The following GASK1A variants were observed in gnomAD, a reference collection of about 807,000 sequenced individuals.
GASK1A encodes the protein golgi associated kinase 1A, also known as Golgi-associated kinase 1A.
In GASK1A, 40 loss-of-function variants were observed where a neutral mutation model predicts 41.2. The observed-to-expected ratio is 0.97, with a 90% CI of 0.75 to 1.27. GASK1A has a LOEUF of 1.27. Among genes scored for constraint, GASK1A ranks in the 50% most tolerant of loss-of-function variants. The probability of loss-of-function intolerance (pLI) is 0.00; values close to 1 mark genes in which losing one functional copy is unlikely to be tolerated. For synonymous variants in GASK1A, 316 were observed against 307.1 expected, an observed-to-expected ratio of 1.03 and a Z score of -0.30; for missense variants, 678 against 745.1, an observed-to-expected ratio of 0.91 and a Z score of 1.05.
chr3:43,028,942 G>C (rs1358935250), intron 1 of GASK1A, among the ~76,000 whole-genome samples: 1 of 152,024 alleles, frequency 6.6e-6, no homozygotes, highest in African/African-American at 2.4e-5. Context: ...GTCCAAGCAG[G>C]GCTTTGTGGC....
chr3:43,031,218 G>A (rs11710681), intron 1 of GASK1A, among the ~76,000 whole-genome samples: 25,653 of 152,074 alleles, frequency 0.17, 2,276 homozygotes, highest in South Asian at 0.35. Flanking sequence ...ATGTACCAGG[G>A]CTCTGCCTGT....
At chr3:43,009,676 C>T (rs2089454028) in intron 1 of GASK1A, among the ~76,000 whole-genome samples, 2 of 152,334 alleles carry the variant, frequency 1.3e-5, no homozygotes, top group Non-Finnish European at 2.9e-5. Context: ...CTGGAGGCAA[C>T]ATCCTTCTAG....
intron 1 of GASK1A, among the ~76,000 whole-genome samples, chr3:43,016,390 G>T (rs1193419031): frequency 1.3e-5 from 2 of 151,994 alleles, no homozygotes; most frequent in Non-Finnish European, 2.9e-5. Context: ...TCCCTGTGAA[G>T]ACACAGGTAG....
At position 42,979,628 on chromosome 3, in the gene GASK1A, G is replaced by T. The variant is rs1192670020; in HGVS notation, c.-15G>T. ...CTGAGCGCGCCGAGGAGCCGGCCGG[G>T]GCACCGCCGGGGACATGGTAGGACT... On this transcript the variant is annotated 5_prime_UTR_variant, in exon 1 of 5. Transcript: ENST00000430121. 3.2e-6 allele frequency: 4 copies of T among 1,243,968 alleles called. No homozygotes were observed. Among genetic ancestry groups the T allele is most frequent in the Non-Finnish European group, 1.0e-6 (1 of 987,670 alleles). The allele number at this position is 1,243,968 out of a possible 1,614,324, so 77.1% of individuals were successfully genotyped here.
At chr3:43,041,419 A>G (rs1378647463) in intron 2 of GASK1A, among the ~76,000 whole-genome samples, 1 of 152,188 alleles carries the variant, frequency 6.6e-6, no homozygotes, top group African/African-American at 2.4e-5. Context: ...TTGCCATTCT[A>G]ACTGGTGTGA....
In GASK1A at chr3:43,022,075, C is replaced by A. The variant is rs547413508; in HGVS notation, c.4-10192C>A. 2.0e-5 allele frequency among the ~76,000 whole-genome samples: 3 copies of A among 152,194 alleles called. No homozygotes were observed. In the South Asian group the frequency reaches 6.2e-4, roughly 32 times the overall value. ...TAGAATTGAGGGGAGGAGGTGGGGC[C>A]GCCCCCCGGCATGTCTGCAATGGCA... On this transcript the variant is annotated intron_variant, in intron 1 of 4. Transcript: ENST00000430121.
rs138971078 is a variant in GASK1A, at chr3:42,993,434, A to G, written c.3+13789A>G. Among the ~76,000 whole-genome samples the G allele has an allele frequency of 2.3e-3, 346 of 152,354 alleles. 2 individuals are homozygous for G. Among genetic ancestry groups the G allele is most frequent in the African/African-American group, 7.9e-3 (328 of 41,584 alleles). On this transcript the variant is annotated intron_variant, in intron 1 of 4. Coordinates refer to ENST00000430121, the MANE Select transcript of GASK1A (RefSeq NM_001129908.3). ...GATAGATATTGGTTTTTAATGTGTT[A>G]ATAAAGAAGCACGTGTAGGATTATA...
chr3:42,994,359 TA>T, intron 1 of GASK1A, among the ~76,000 whole-genome samples: 1 of 152,048 alleles, frequency 6.6e-6, no homozygotes, highest in East Asian at 1.9e-4. Context: ...GAGCCGGGCC[TA>T]GGGGGATGGG....
intron 1 of GASK1A, among the ~76,000 whole-genome samples, chr3:43,027,723 C>G (rs943060862): frequency 6.6e-6 from 1 of 151,896 alleles, no homozygotes; most frequent in African/African-American, 2.4e-5. Flanking sequence ...GAAATATACA[C>G]CAAAAGACAA....
intron 1 of GASK1A, among the ~76,000 whole-genome samples, chr3:42,995,274 C>T (rs2089363424): frequency 6.6e-6 from 1 of 152,194 alleles, no homozygotes; most frequent in African/African-American, 2.4e-5. Flanking sequence ...AGGCAACTGT[C>T]CTTCTTCCTT....
intron 1 of GASK1A, among the ~76,000 whole-genome samples, chr3:42,998,690 G>A (rs2089390037): frequency 6.6e-6 from 1 of 152,148 alleles, no homozygotes; most frequent in African/African-American, 2.4e-5. Context: ...ACGGCCCTGT[G>A]TGGGTGGCCC....
chr3:43,016,450 A>C (rs1050999383), intron 1 of GASK1A, among the ~76,000 whole-genome samples: 1 of 150,882 alleles, frequency 6.6e-6, no homozygotes, highest in South Asian at 2.1e-4. Context: ...CAGGAAGGGC[A>C]GTGTAAAGTC....
intron 1 of GASK1A, 96 bp downstream of exon 1, chr3:42,979,741 C>G (rs766505080): frequency 8.5e-6 from 10 of 1,181,256 alleles, no homozygotes; most frequent in Non-Finnish European, 1.1e-5. Flanking sequence ...GCGCGCGCAG[C>G]CTGCGCGGCC....
chr3:43,015,754 A>G (rs1005390856), intron 1 of GASK1A, among the ~76,000 whole-genome samples: 1 of 150,790 alleles, frequency 6.6e-6, no homozygotes, highest in Non-Finnish European at 1.5e-5. Context: ...AGCCACAGAA[A>G]GGGGCAGTGT....
intron 2 of GASK1A, among the ~76,000 whole-genome samples, chr3:43,039,748 T>C (rs1362053389): frequency 6.6e-6 from 1 of 152,218 alleles, no homozygotes; most frequent in African/African-American, 2.4e-5. Context: ...CCATGTGTAT[T>C]CAGTGTTTAG....
chr3:43,026,696 C>T (rs775443178), intron 1 of GASK1A, among the ~76,000 whole-genome samples: 3 of 151,646 alleles, frequency 2.0e-5, no homozygotes, highest in Non-Finnish European at 2.9e-5. Flanking sequence ...AGTATAAAAA[C>T]AAGAACAGTG....
intron 1 of GASK1A, among the ~76,000 whole-genome samples, chr3:43,000,907 T>C (rs1418815863): frequency 6.6e-6 from 1 of 152,248 alleles, no homozygotes; most frequent in Non-Finnish European, 1.5e-5. Flanking sequence ...TGGACTCATT[T>C]CCTCAATTAA....
At chr3:43,014,734 G>C (rs1386498466) in intron 1 of GASK1A, among the ~76,000 whole-genome samples, 1 of 152,144 alleles carries the variant, frequency 6.6e-6, no homozygotes, top group East Asian at 1.9e-4. Flanking sequence ...TCACAGGCAG[G>C]GTTCTGTGTG....
intron 1 of GASK1A, among the ~76,000 whole-genome samples, chr3:43,001,884 C>T (rs747568733): frequency 2.0e-5 from 3 of 152,136 alleles, no homozygotes; most frequent in Non-Finnish European, 4.4e-5. Context: ...GGGGTCTGAC[C>T]GGGCTGCCTG....
Sources: allele counts gnomAD v4.1 joint callset (sites outside exome capture counted in the v4.1 genomes callset), GRCh38; gene constraint gnomAD v4.1.1; transcripts MANE v1.5; gene names NCBI Gene and HGNC (gene_info 2026-07-23, HGNC 2026-07-21).